The following CHST9 variants were observed in gnomAD, a reference collection of about 807,000 sequenced individuals.
CHST9 encodes carbohydrate sulfotransferase 9.
In CHST9, 41 loss-of-function variants were observed where a neutral mutation model predicts 44.4. The observed-to-expected ratio is 0.92, with a 90% CI of 0.72 to 1.20. The LOEUF is 1.20. Among genes scored for constraint, CHST9 ranks in the 50% most tolerant of loss-of-function variants. The probability of loss-of-function intolerance (pLI) is 0.00; values close to 1 mark genes in which losing one functional copy is unlikely to be tolerated. For synonymous variants in CHST9, 171 were observed against 178.4 expected, an observed-to-expected ratio of 0.96 and a Z score of 0.33; for missense variants, 504 against 516.5, an observed-to-expected ratio of 0.98 and a Z score of 0.23.
At chr18:27,016,770 T>C (rs759248355) in intron 4 of CHST9, among the ~76,000 whole-genome samples, 30 of 152,228 alleles carry the variant, frequency 2.0e-4, no homozygotes, top group Non-Finnish European at 2.6e-4. Context: ...TGTGTGTATG[T>C]ATACATCTAT....
At chr18:27,130,824 T>C (rs1306367364) in intron 2 of CHST9, among the ~76,000 whole-genome samples, 1 of 152,090 alleles carries the variant, frequency 6.6e-6, no homozygotes, top group Non-Finnish European at 1.5e-5. Context: ...AAACCTACTG[T>C]TGAAAGAAAA....
chr18:27,093,579 G>T (rs2058089364), intron 2 of CHST9, among the ~76,000 whole-genome samples: 1 of 152,242 alleles, frequency 6.6e-6, no homozygotes, highest in Non-Finnish European at 1.5e-5. Context: ...CACGTTGTCT[G>T]CAGGTTGCTA....
In CHST9 at chr18:26,943,630, G is replaced by T. The variant is rs556390920; in HGVS notation, c.240+699C>A. ...CTCTGACTCTAGTGGCACAGGCAGG[G>T]TTTGGAGAAACTGTAGCTAAGCTGG... On this transcript the variant is annotated intron_variant, in intron 5 of 5. Transcript: ENST00000618847. Among the ~76,000 whole-genome samples the T allele has an allele frequency of 2.6e-5, 4 of 152,370 alleles. No individual in the cohort carries two copies. In the South Asian group the frequency reaches 8.3e-4, roughly 32 times the overall value.
At chr18:27,014,088 C>T (rs1031774835) in intron 4 of CHST9, among the ~76,000 whole-genome samples, 2 of 152,130 alleles carry the variant, frequency 1.3e-5, no homozygotes, top group Non-Finnish European at 2.9e-5. Flanking sequence ...GGCCCTCATT[C>T]ACAAGCCTAC....
At chr18:27,060,462 G>A (rs757113520) in intron 2 of CHST9, among the ~76,000 whole-genome samples, 2 of 152,272 alleles carry the variant, frequency 1.3e-5, no homozygotes, top group African/African-American at 2.4e-5. Flanking sequence ...CCAGAAGGGC[G>A]GGAAGTAGGG....
chr18:26,933,438 T>G (rs2055917295), intron 5 of CHST9, among the ~76,000 whole-genome samples: 1 of 152,176 alleles, frequency 6.6e-6, no homozygotes, highest in Non-Finnish European at 1.5e-5. Context: ...AACCACAACC[T>G]TTATATTTTT....
chr18:27,050,058 CAT>C (rs1035751071), intron 2 of CHST9, among the ~76,000 whole-genome samples: 3 of 152,080 alleles, frequency 2.0e-5, no homozygotes, highest in Non-Finnish European at 4.4e-5. Flanking sequence ...GCTGAGTTCA[CAT>C]GATTGTTGCT....
intron 4 of CHST9, among the ~76,000 whole-genome samples, chr18:27,000,470 A>G (rs1452160989): frequency 6.6e-6 from 1 of 152,212 alleles, no homozygotes; most frequent in African/African-American, 2.4e-5. Context: ...CTAAAATAAT[A>G]TATCTATTCT....
intron 2 of CHST9, among the ~76,000 whole-genome samples, chr18:27,138,591 C>T (rs1220889608): frequency 2.0e-5 from 3 of 152,076 alleles, no homozygotes; most frequent in African/African-American, 7.2e-5. Flanking sequence ...TGTGGCAACT[C>T]AGAAAAAGCA....
intron 5 of CHST9, among the ~76,000 whole-genome samples, chr18:26,922,772 A>T (rs2055684083): frequency 6.6e-6 from 1 of 151,986 alleles, no homozygotes. Flanking sequence ...GGTAGCTGGG[A>T]TTACAGGCGC....
intron 3 of CHST9, among the ~76,000 whole-genome samples, chr18:27,027,512 T>C (rs2057295736): frequency 6.6e-6 from 1 of 152,240 alleles, no homozygotes; most frequent in South Asian, 2.1e-4. Context: ...TGGTCTCACC[T>C]TGCCTTTTGT....
At position 26,973,509 on chromosome 18, in the gene CHST9, C is replaced by T. The variant is rs557396744; in HGVS notation, c.203-29143G>A. Among the ~76,000 whole-genome samples the T allele has an allele frequency of 3.3e-5, 5 of 152,326 alleles. No homozygotes were observed. The South Asian group carries it at 8.3e-4, about 25-fold the overall frequency. On this transcript the variant is annotated intron_variant, in intron 4 of 5. Coordinates refer to ENST00000618847, the MANE Select transcript of CHST9 (RefSeq NM_031422.6). ...GCTTATCCAACCTGCGGCCTGCAGG[C>T]GGCATGCGGCCCAGAATGGCGTTGA...
chr18:27,037,056 G>A (rs1421590579), intron 3 of CHST9, among the ~76,000 whole-genome samples: 24 of 152,182 alleles, frequency 1.6e-4, no homozygotes, highest in Admixed American at 1.6e-3. Context: ...CTGTCGTTTA[G>A]AGAGGTCCTT....
intron 4 of CHST9, among the ~76,000 whole-genome samples, chr18:26,977,215 A>C (rs1228510289): frequency 1.3e-5 from 2 of 152,124 alleles, no homozygotes; most frequent in African/African-American, 4.8e-5. Context: ...TAAAAAAAAA[A>C]GTTTAAACAA....
chr18:27,028,828 G>A (rs2057310793), intron 3 of CHST9, among the ~76,000 whole-genome samples: 1 of 152,136 alleles, frequency 6.6e-6, no homozygotes, highest in Non-Finnish European at 1.5e-5. Flanking sequence ...GATTACAGGC[G>A]CGAGCCACTG....
chr18:27,004,690 C>T (rs1010083756), intron 4 of CHST9, among the ~76,000 whole-genome samples: 1 of 152,100 alleles, frequency 6.6e-6, no homozygotes, highest in Admixed American at 6.6e-5. Context: ...CTAACGGTTT[C>T]CCTTTTCGTA....
intron 3 of CHST9, 24 bp from the exon 4 acceptor site, chr18:27,024,181 T>C: frequency 6.2e-7 from 1 of 1,600,296 alleles, no homozygotes; most frequent in South Asian, 1.1e-5. Flanking sequence ...GGAAAGAAAT[T>C]CATATATTAC....
chr18:27,098,407 A>T (rs2058138628), intron 2 of CHST9, among the ~76,000 whole-genome samples: 1 of 152,120 alleles, frequency 6.6e-6, no homozygotes, highest in African/African-American at 2.4e-5. Flanking sequence ...TTCCTCAAGG[A>T]TCTAGAACCA....
At chr18:26,979,964 G>C (rs578189294) in intron 4 of CHST9, among the ~76,000 whole-genome samples, 109 of 152,124 alleles carry the variant, frequency 7.2e-4, no homozygotes, top group African/African-American at 2.6e-3. Flanking sequence ...AGAAATTCTA[G>C]GTCTCAATAT....
Sources: allele counts gnomAD v4.1 joint callset (sites outside exome capture counted in the v4.1 genomes callset), GRCh38; gene constraint gnomAD v4.1.1; transcripts MANE v1.5; gene names NCBI Gene and HGNC (gene_info 2026-07-23, HGNC 2026-07-21).